Variants in KL observed in about 807,000 individuals in gnomAD.
KL encodes klotho, also known as alpha-klotho.
KL carries 62 observed loss-of-function variants against 84.2 expected under a neutral mutation model. The observed-to-expected ratio is 0.74, with a 90% CI of 0.60 to 0.91. KL has a LOEUF of 0.91. Ranked by LOEUF, KL falls within the 40% of genes least tolerant of loss-of-function variation. KL has a pLI of 0.00. For missense variants in KL, 1,261 were observed against 1,305.7 expected (o/e 0.97, Z 0.53); for synonymous variants, 528 against 528.0 (o/e 1.00, Z 0.00).
At position 33,065,354 on chromosome 13, in the gene KL, A is replaced by G. The variant is rs1238095152; in HGVS notation, c.*1168A>G. The G allele has an allele frequency of 9.7e-6, 2 of 206,124 alleles. No individual in the cohort carries two copies. The highest frequency in any genetic ancestry group is 2.0e-5 in the Non-Finnish European group (2 of 100,590). 12.8% of individuals were successfully genotyped at this position (206,124 alleles called of 1,614,324 possible). ...TTACTTTGAACTTTCACGCTGAAAC[A>G]TGCTAGTGATATCTAGAAAGGGCTA... On this transcript the variant is annotated 3_prime_UTR_variant, in exon 5 of 5. Transcript: ENST00000380099.
At chr13:33,020,989 C>A (rs1259208946) in intron 1 of KL, among the ~76,000 whole-genome samples, 1 of 152,124 alleles carries the variant, frequency 6.6e-6, no homozygotes, top group Non-Finnish European at 1.5e-5. Flanking sequence ...CACAGGACTT[C>A]GCTTTGCTCA....
chr13:33,026,214 G>A (rs932502257), intron 1 of KL, among the ~76,000 whole-genome samples: 2 of 152,096 alleles, frequency 1.3e-5, no homozygotes, highest in Non-Finnish European at 2.9e-5. Context: ...CCCTTGCAGT[G>A]TCCCTTCCCT....
intron 1 of KL, among the ~76,000 whole-genome samples, chr13:33,028,733 T>C (rs573596929): frequency 1.3e-5 from 2 of 152,294 alleles, no homozygotes; most frequent in East Asian, 3.9e-4. Context: ...AATTATGAAC[T>C]TCAAAGAAAA....
rs1489485365 is a variant in KL, at chr13:33,061,349, T to C, written c.2270T>C (p.Ile757Thr). 3 of 1,614,030 alleles carry C rather than the reference T, an allele frequency of 1.9e-6. No individual in the cohort carries two copies. The highest frequency in any genetic ancestry group is 1.7e-5 in the Admixed American group (1 of 60,010). Residue 757 changes from isoleucine (I) to threonine (T), a missense_variant, in exon 4 of 5, where the codon ATT becomes ACT. Physicochemically the swap from Ile to Thr is moderately conservative, Grantham distance 89. Transcript: ENST00000380099. ...EVAERVLEFD[I>T]GWLAEPIFGS... ...GCTGAGAGAGTTTTGGAATTTGACATTGGCTGGCTGGCTGAGCCCATTTTC... is the reference window on the plus strand; with the variant it reads ...GCTGAGAGAGTTTTGGAATTTGACACTGGCTGGCTGGCTGAGCCCATTTTC...
intron 1 of KL, among the ~76,000 whole-genome samples, chr13:33,049,602 C>T (rs525459): frequency 0.67 from 101,087 of 151,868 alleles, 34,123 homozygotes; most frequent in Admixed American, 0.76. Context: ...TGGGAATAGG[C>T]AAAACATACC....
rs1336470757 is a variant in KL at position 33,060,713 on chromosome 13, A to C, written c.1634A>C (p.Asn545Thr). The change falls in exon 4 of 5, where the codon AAT becomes ACT. Residue 545 changes from asparagine (N) to threonine (T), a missense_variant. Coordinates refer to ENST00000380099, the MANE Select transcript of KL (RefSeq NM_004795.4). ...ACTCTGTCTCAGTTTACCGACCTGA[A>C]TGTTTACCTGTGGGATGTCCACCAC... ...DTTLSQFTDL[N>T]VYLWDVHHSK... 1 of 1,614,050 alleles carries C rather than the reference A, an allele frequency of 6.2e-7. No individual in the cohort carries two copies. The highest frequency in any genetic ancestry group is 8.5e-7 in the Non-Finnish European group (1 of 1,180,038).
intron 1 of KL, among the ~76,000 whole-genome samples, chr13:33,026,987 G>A (rs1870802071): frequency 6.6e-6 from 1 of 152,168 alleles, no homozygotes. Context: ...CTTTTTACAG[G>A]CTTCTCAGAG....
At position 33,066,064 on chromosome 13, in the gene KL, AG is replaced by A. The variant is rs1872400524; in HGVS notation, c.*1879del. On this transcript the variant is annotated 3_prime_UTR_variant, in exon 5 of 5. Transcript: ENST00000380099. The stretch of plus-strand genomic sequence containing the variant: ...TTTACTTTAATTTCCTTGACTGTAA[AG>A]AGAAGTAATTTTGCTCCTTGATAAA... The A allele has an allele frequency of 5.7e-6, 1 of 174,432 alleles. No individual in the cohort carries two copies. Among genetic ancestry groups the A allele is most frequent in the Non-Finnish European group, 1.2e-5 (1 of 80,732 alleles). 10.8% of individuals were successfully genotyped at this position (174,432 alleles called of 1,614,324 possible).
At chr13:33,037,291 G>A (rs996073755) in intron 1 of KL, among the ~76,000 whole-genome samples, 3 of 151,802 alleles carry the variant, frequency 2.0e-5, no homozygotes, top group Non-Finnish European at 4.4e-5. Flanking sequence ...AAATGTCTTG[G>A]CATGAGAATT....
In KL at chr13:33,054,514, C is replaced by T. The variant is rs1025480665; in HGVS notation, c.1330+237C>T. 2.0e-5 allele frequency among the ~76,000 whole-genome samples: 3 copies of T among 152,294 alleles called. No homozygotes were observed. The South Asian group carries it at 6.2e-4, about 32-fold the overall frequency. ...AACTGGGTTATAATATTTGTAATTA[C>T]TTAACTTTCAGTTATTAATCTAGAT... On this transcript the variant is annotated intron_variant, in intron 2 of 4. Coordinates refer to ENST00000380099, the MANE Select transcript of KL (RefSeq NM_004795.4).
rs762838530 is a variant in KL at position 33,055,090 on chromosome 13, G to T, written c.1374G>T (p.Trp458Cys). The T allele has an allele frequency of 6.2e-7, 1 of 1,614,196 alleles. No individual in the cohort carries two copies. The highest frequency in any genetic ancestry group is 8.5e-7 in the Non-Finnish European group (1 of 1,180,044). ...DGVDVIGYTA[W>C]SLMDGFEWHR... is the part of the protein sequence containing the mutation. ...TGGATGTCATCGGGTATACCGCATG[G>T]TCCCTCATGGATGGTTTCGAGTGGC... is the stretch of plus-strand genomic sequence containing the variant. Residue 458 changes from tryptophan (W) to cysteine (C), a missense_variant, in exon 3 of 5, where the codon TGG becomes TGT. By Grantham distance (215) the Trp-to-Cys change is radical (BLOSUM62 -2). Coordinates refer to ENST00000380099, the MANE Select transcript of KL (RefSeq NM_004795.4).
At chr13:33,057,415 C>T (rs1872004863) in intron 3 of KL, among the ~76,000 whole-genome samples, 2 of 152,144 alleles carry the variant, frequency 1.3e-5, no homozygotes, top group Admixed American at 6.5e-5. Context: ...GAAGAGAAAA[C>T]GCTGGTCAGA....
Position 33,053,982 on chromosome 13 carries a change from T to A in KL, c.1035T>A (p.Leu345=). 6.2e-7 allele frequency: 1 copy of A among 1,614,038 alleles called. No individual in the cohort carries two copies. Among genetic ancestry groups the A allele is most frequent in the Non-Finnish European group, 8.5e-7 (1 of 1,179,908 alleles). Residue 345 remains leucine (L), a synonymous_variant, in exon 2 of 5, where the codon CTT becomes CTA. Transcript: ENST00000380099. ...ATCCCGAGAGCATGAAGAATAACCT[T>A]TCATCTATTCTGCCTGATTTTACTG... The part of the protein sequence containing the change: ...GDYPESMKNN[L]SSILPDFTES...
At chr13:33,050,028 T>C (rs528751671) in intron 1 of KL, among the ~76,000 whole-genome samples, 57 of 152,364 alleles carry the variant, frequency 3.7e-4, no homozygotes, top group African/African-American at 1.3e-3. Flanking sequence ...GAAACGTTTT[T>C]ACATGTTAAT....
Position 33,060,982 on chromosome 13 carries a change from G to A in KL, c.1903G>A (p.Val635Met). 1 of 1,612,760 alleles carries A rather than the reference G, an allele frequency of 6.2e-7. No homozygotes were observed. Among genetic ancestry groups the A allele is most frequent in the African/African-American group, 1.3e-5 (1 of 75,022 alleles). ...ELVRVNITPV[V>M]ALWQPMAPNQ... ...TGTCCGTGTCAACATCACCCCAGTG[G>A]TGGCCCTGTGGCAGCCTATGGCCCC... Residue 635 changes from valine (V) to methionine (M), a missense_variant, in exon 4 of 5, where the codon GTG becomes ATG. Transcript: ENST00000380099.
chr13:33,043,571 G>C (rs1871417160), intron 1 of KL, among the ~76,000 whole-genome samples: 2 of 152,086 alleles, frequency 1.3e-5, no homozygotes, highest in South Asian at 4.1e-4. Context: ...AGTGCTCGTT[G>C]GGGTTTTAAT....
chr13:33,061,285 G>C lies in KL; in HGVS notation c.2206G>C (p.Glu736Gln). 1 of 1,614,222 alleles carries C rather than the reference G, an allele frequency of 6.2e-7. No homozygotes were observed. The change falls in exon 4 of 5, where the codon GAA (glutamate) becomes CAA (glutamine). Residue 736 changes from glutamate to glutamine, a missense_variant. Transcript: ENST00000380099. ...CATAGCCTTGCAGGCTGATTGGATA[G>C]AACCTGCCTGCCCTTTCTCCCAAAA... ...ISIALQADWI[E>Q]PACPFSQKDK... is the part of the protein sequence containing the mutation.
intron 1 of KL, among the ~76,000 whole-genome samples, chr13:33,043,004 TG>T (rs1871393832): frequency 6.6e-6 from 1 of 152,180 alleles, no homozygotes; most frequent in Non-Finnish European, 1.5e-5. Flanking sequence ...CATATCAATT[TG>T]TAAGTTTTAT....
At position 33,016,563 on chromosome 13, in the gene KL, C is replaced by A; in HGVS notation, c.123C>A (p.Thr41=). The change falls in exon 1 of 5, where the codon ACC becomes ACA. Residue 41 remains threonine, a synonymous_variant. Transcript: ENST00000380099. ...CGGAGCCGGGCGACGGCGCGCAGAC[C>A]TGGGCCCGTTTCTCGCGGCCTCCTG... ...LRAEPGDGAQ[T]WARFSRPPAP... The A allele has an allele frequency of 3.4e-6, 5 of 1,474,568 alleles. No individual in the cohort carries two copies. The highest frequency in any genetic ancestry group is 4.5e-6 in the Non-Finnish European group (5 of 1,116,108). 91.3% of individuals were successfully genotyped at this position (1,474,568 alleles called of 1,614,324 possible). A position where few individuals can be genotyped will look rare whatever the true frequency, so the allele number is the denominator to read the frequency against.
Sources: allele counts gnomAD v4.1 joint callset (sites outside exome capture counted in the v4.1 genomes callset), GRCh38; gene constraint gnomAD v4.1.1; transcripts MANE v1.5; gene names NCBI Gene and HGNC (gene_info 2026-07-23, HGNC 2026-07-21).